The following SLC39A9 variants were observed in gnomAD, a reference collection of about 807,000 sequenced individuals.
The protein encoded by SLC39A9 is solute carrier family 39 member 9.
Under a neutral mutation model 28.4 loss-of-function variants are expected in SLC39A9, and 14 were observed. That is an observed-to-expected ratio of 0.49 (90% CI 0.33 to 0.77). The LOEUF (loss-of-function observed/expected upper bound fraction) is 0.77, where lower values mean the gene tolerates loss of function less well. Ranked by LOEUF, SLC39A9 falls within the 30% of genes least tolerant of loss-of-function variation. The pLI is 0.02. For missense variants in SLC39A9, 283 were observed against 381.1 expected, an observed-to-expected ratio of 0.74 and a Z score of 2.14; for synonymous variants, 119 against 149.6, an observed-to-expected ratio of 0.80 and a Z score of 1.49.
Position 69,459,963 on chromosome 14 carries a change from A to G in SLC39A9, c.*1370A>G. On this transcript the variant is annotated 3_prime_UTR_variant, in exon 7 of 7. Transcript: ENST00000336643. ...TGAGCCCTTAAAATACCACCTCCTC[A>G]TGTGTAAATTGACACAATCACTAAT... 6.1e-6 allele frequency: 6 copies of G among 985,402 alleles called. No homozygotes were observed. Among genetic ancestry groups the G allele is most frequent in the Non-Finnish European group, 7.2e-6 (6 of 829,594 alleles). 61.0% of individuals were successfully genotyped at this position (985,402 alleles called of 1,614,324 possible).
chr14:69,423,813 G>A (rs1393595176), intron 1 of SLC39A9, among the ~76,000 whole-genome samples: 5 of 151,482 alleles, frequency 3.3e-5, no homozygotes, highest in African/African-American at 7.3e-5. Context: ...CAGGATAATC[G>A]CTGGAACTTG....
chr14:69,460,805 GCT>G lies in SLC39A9; in HGVS notation c.*2213_*2214del. On this transcript the variant is annotated 3_prime_UTR_variant, in exon 7 of 7. Transcript: ENST00000336643. Reference sequence around the variant, plus strand: ...CTTAGCTCTCAGAAGCTATGTATGGGCTTTCCCAGATTTTAAAGCTGCTGCCT... The same window carrying G: ...CTTAGCTCTCAGAAGCTATGTATGGGTTCCCAGATTTTAAAGCTGCTGCCT... 1.0e-6 allele frequency: 1 copy of G among 985,458 alleles called. No homozygotes were observed. The highest frequency in any genetic ancestry group is 1.2e-6 in the Non-Finnish European group (1 of 829,960). 61.0% of individuals were successfully genotyped at this position (985,458 alleles called of 1,614,324 possible).
chr14:69,456,336 G>C (rs1386974440), intron 6 of SLC39A9, among the ~76,000 whole-genome samples: 1 of 152,136 alleles, frequency 6.6e-6, no homozygotes, highest in Non-Finnish European at 1.5e-5. Context: ...ATCTTTTAAA[G>C]GGAACAACAT....
At position 69,455,943 on chromosome 14, in the gene SLC39A9, T is replaced by C. The variant is rs1003227274; in HGVS notation, c.693+77T>C. The C allele has an allele frequency of 2.6e-6, 4 of 1,528,172 alleles. 1 individual carries two copies. The highest frequency in any genetic ancestry group is 2.8e-5 in the African/African-American group (2 of 72,498). The allele number at this position is 1,528,172 out of a possible 1,614,324, so 94.7% of individuals were successfully genotyped here. The stretch of plus-strand genomic sequence containing the variant: ...AATTTATGATCTCTTAGATTGAATT[T>C]TTCCAATACATTACTCTCTCAAACT... On this transcript the variant is annotated intron_variant, in intron 6 of 6. Transcript: ENST00000336643.
At chr14:69,408,886 A>G (rs1467673800) in intron 1 of SLC39A9, among the ~76,000 whole-genome samples, 4 of 152,310 alleles carry the variant, frequency 2.6e-5, no homozygotes, top group East Asian at 1.9e-4. Context: ...AAACATCTCT[A>G]TGTTCACATT....
rs1886080619 is a variant in SLC39A9, at chr14:69,460,784, G to C, written c.*2191G>C. On this transcript the variant is annotated 3_prime_UTR_variant, in exon 7 of 7. Coordinates refer to ENST00000336643, the MANE Select transcript of SLC39A9 (RefSeq NM_018375.5). The stretch of plus-strand genomic sequence containing the variant: ...AAGCAAACCTTTCAGGGCCCTCTTA[G>C]CTCTCAGAAGCTATGTATGGGCTTT... The C allele has an allele frequency of 1.0e-6, 1 of 985,320 alleles. No individual in the cohort carries two copies. The allele number at this position is 985,320 out of a possible 1,614,324, so 61.0% of individuals were successfully genotyped here.
At position 69,459,853 on chromosome 14, in the gene SLC39A9, C is replaced by T. The variant is rs554279444; in HGVS notation, c.*1260C>T. On this transcript the variant is annotated 3_prime_UTR_variant, in exon 7 of 7. Transcript: ENST00000336643. Reference sequence around the variant, plus strand: ...TGAATTCTTATCAGGACAACCACTTCTCGAACTGTAATAATGAAGATAATA... The same window carrying T: ...TGAATTCTTATCAGGACAACCACTTTTCGAACTGTAATAATGAAGATAATA... The T allele has an allele frequency of 1.0e-6, 1 of 985,244 alleles. No homozygotes were observed. Among genetic ancestry groups the T allele is most frequent in the East Asian group, 1.1e-4 (1 of 8,818 alleles). 61.0% of individuals were successfully genotyped at this position (985,244 alleles called of 1,614,324 possible). A position where few individuals can be genotyped will look rare whatever the true frequency, so the allele number is the denominator to read the frequency against.
At chr14:69,428,076 G>A (rs1308230689) in intron 2 of SLC39A9, among the ~76,000 whole-genome samples, 2 of 152,106 alleles carry the variant, frequency 1.3e-5, no homozygotes, top group Non-Finnish European at 2.9e-5. Context: ...TCAAGAGATC[G>A]AGACCATCCT....
At chr14:69,436,629 T>C (rs1329295738) in intron 2 of SLC39A9, among the ~76,000 whole-genome samples, 2 of 152,236 alleles carry the variant, frequency 1.3e-5, no homozygotes, top group Non-Finnish European at 2.9e-5. Context: ...CTGCTTTGGC[T>C]ATGTCCTGTG....
At chr14:69,414,963 T>G (rs1447226657) in intron 1 of SLC39A9, among the ~76,000 whole-genome samples, 1 of 152,252 alleles carries the variant, frequency 6.6e-6, no homozygotes, top group African/African-American at 2.4e-5. Flanking sequence ...TGAGATTTGT[T>G]CATTTATGTG....
chr14:69,422,907 C>G (rs552059088), intron 1 of SLC39A9, among the ~76,000 whole-genome samples: 1 of 152,184 alleles, frequency 6.6e-6, no homozygotes, highest in South Asian at 2.1e-4. Context: ...ACTGCTGCTT[C>G]AAGAAACTTT....
intron 1 of SLC39A9, among the ~76,000 whole-genome samples, chr14:69,406,971 C>A (rs10142738): frequency 2.3e-4 from 35 of 149,690 alleles, no homozygotes; most frequent in South Asian, 1.7e-3. Flanking sequence ...CTGCCTCAGC[C>A]CCCCCAGTAG....
At chr14:69,440,172 GCTACT>G (rs1420193040) in intron 2 of SLC39A9, among the ~76,000 whole-genome samples, 1 of 152,148 alleles carries the variant, frequency 6.6e-6, no homozygotes. Context: ...TGTAAACCCA[GCTACT>G]CGGGAGGCTG....
At chr14:69,423,168 T>G (rs1883994855) in intron 1 of SLC39A9, among the ~76,000 whole-genome samples, 1 of 152,218 alleles carries the variant, frequency 6.6e-6, no homozygotes, top group African/African-American at 2.4e-5. Context: ...CTTGTTCTAC[T>G]TATAAATATT....
chr14:69,422,548 T>C (rs1465344175), intron 1 of SLC39A9, among the ~76,000 whole-genome samples: 1 of 152,188 alleles, frequency 6.6e-6, no homozygotes, highest in Non-Finnish European at 1.5e-5. Context: ...CAGCTGAGAC[T>C]ACAGGTGCAC....
At chr14:69,452,757 G>A (rs774816923) in intron 3 of SLC39A9, among the ~76,000 whole-genome samples, 2 of 152,122 alleles carry the variant, frequency 1.3e-5, no homozygotes, top group South Asian at 2.1e-4. Flanking sequence ...TAGGGTGATG[G>A]CAATAAAAAT....
intron 6 of SLC39A9, among the ~76,000 whole-genome samples, chr14:69,457,465 T>G (rs1402014320): frequency 1.3e-5 from 2 of 151,868 alleles, no homozygotes; most frequent in East Asian, 3.9e-4. Context: ...CCTCCCAAAG[T>G]GCTGGGATTA....
chr14:69,448,945 A>G (rs1322964907), intron 3 of SLC39A9, among the ~76,000 whole-genome samples: 2 of 152,192 alleles, frequency 1.3e-5, no homozygotes, highest in Non-Finnish European at 2.9e-5. Context: ...ATGAGGCAAA[A>G]TGTTAATCAA....
chr14:69,456,075 TATCA>T (rs1274194185), intron 6 of SLC39A9, among the ~76,000 whole-genome samples: 2 of 152,244 alleles, frequency 1.3e-5, no homozygotes, highest in Non-Finnish European at 2.9e-5. Context: ...ACTTCTTCCC[TATCA>T]ATCAGTTCCA....
Sources: allele counts gnomAD v4.1 joint callset (sites outside exome capture counted in the v4.1 genomes callset), GRCh38; gene constraint gnomAD v4.1.1; transcripts MANE v1.5; gene names NCBI Gene and HGNC (gene_info 2026-07-23, HGNC 2026-07-21).